FDFT1: variants seen among roughly 807,000 people sequenced by gnomAD.
FDFT1 encodes farnesyl-diphosphate farnesyltransferase 1.
FDFT1 carries 68 observed loss-of-function variants against 46.8 expected under a neutral mutation model. The observed-to-expected ratio is 1.45, with a 90% confidence interval of 1.19 to 1.78. FDFT1 has a LOEUF of 1.78. Ranked by LOEUF, FDFT1 falls within the 40% of genes most tolerant of loss-of-function variation. FDFT1 has a pLI of 0.00. For missense variants in FDFT1, 928 were observed against 524.4 expected, an observed-to-expected ratio of 1.77 and a Z score of -7.52; for synonymous variants, 351 against 185.1, an observed-to-expected ratio of 1.90 and a Z score of -7.28.
intron 3 of FDFT1, among the ~76,000 whole-genome samples, chr8:11,812,120 T>A (rs1023912502): frequency 6.6e-6 from 1 of 152,124 alleles, no homozygotes; most frequent in Non-Finnish European, 1.5e-5. Context: ...CACTTCAGAG[T>A]GCCCCATTCT....
At chr8:11,836,715 A>G (rs144544963) in intron 7 of FDFT1, among the ~76,000 whole-genome samples, 2 of 152,322 alleles carry the variant, frequency 1.3e-5, no homozygotes, top group South Asian at 2.1e-4. Context: ...TCTCATCACT[A>G]TATATTTTAC....
intron 5 of FDFT1, among the ~76,000 whole-genome samples, chr8:11,828,056 G>C (rs1810249945): frequency 6.6e-6 from 1 of 152,074 alleles, no homozygotes; most frequent in Non-Finnish European, 1.5e-5. Context: ...ACAAAAATTA[G>C]CCAAGTGTGG....
intron 2 of FDFT1, 141 bp downstream of exon 2, chr8:11,809,032 G>A: frequency 7.2e-7 from 1 of 1,380,384 alleles, no homozygotes; most frequent in Non-Finnish European, 9.7e-7. Context: ...CCGGCCCTAC[G>A]TGTTTACTTT....
At chr8:11,812,085 T>C (rs1382461360) in intron 3 of FDFT1, among the ~76,000 whole-genome samples, 2 of 152,224 alleles carry the variant, frequency 1.3e-5, no homozygotes, top group Admixed American at 6.5e-5. Flanking sequence ...AGTACTGCTC[T>C]TAGACTGGGG....
At chr8:11,836,165 A>G (rs1442038022) in intron 7 of FDFT1, among the ~76,000 whole-genome samples, 2 of 151,108 alleles carry the variant, frequency 1.3e-5, no homozygotes, top group African/African-American at 4.9e-5. Flanking sequence ...AAAAAAAAAA[A>G]AATCTACAAT....
Position 11,821,872 on chromosome 8 carries a change from G to T in FDFT1, c.504G>T (p.Trp168Cys), listed in dbSNP as rs1274548079. The change falls in exon 4 of 8, where the codon TGG becomes TGT. Residue 168 changes from tryptophan to cysteine, a missense_variant. Transcript: ENST00000220584. ...AGCATGTGACCTCTGAACAGGAGTG[G>T]GACAAGGTTAGTCTCATAAAACAGT... The part of the protein sequence containing the change: ...LDKHVTSEQE[W>C]DKYCHYVAGL... The T allele has an allele frequency of 6.2e-7, 1 of 1,612,712 alleles. No individual in the cohort carries two copies. Among genetic ancestry groups the T allele is most frequent in the East Asian group, 2.2e-5 (1 of 44,852 alleles).
At chr8:11,828,884 G>C (rs566711914) in intron 5 of FDFT1, among the ~76,000 whole-genome samples, 3 of 152,312 alleles carry the variant, frequency 2.0e-5, no homozygotes, top group Non-Finnish European at 2.9e-5. Context: ...TGTGTGGATA[G>C]ACCACATTTA....
intron 7 of FDFT1, among the ~76,000 whole-genome samples, chr8:11,834,088 C>G (rs891193188): frequency 6.6e-6 from 1 of 152,234 alleles, no homozygotes; most frequent in Non-Finnish European, 1.5e-5. Flanking sequence ...CTGACCAAGT[C>G]TGTCCTTTGT....
At chr8:11,812,206 CCTT>C (rs1807810613) in intron 3 of FDFT1, among the ~76,000 whole-genome samples, 3 of 152,204 alleles carry the variant, frequency 2.0e-5, no homozygotes, top group Admixed American at 1.3e-4. Flanking sequence ...CGTGGGCTCT[CCTT>C]CTGTACCACG....
Position 11,816,143 on chromosome 8 carries a change from G to T in FDFT1, c.382-5607G>T, listed in dbSNP as rs184114701. On this transcript the variant is annotated intron_variant, in intron 3 of 7. Transcript: ENST00000220584. ...ATAGGGAATCCTTTCTCCATTGCTT[G>T]TTTTTGTCAGGTTTGTCAAAGATCA... Among the ~76,000 whole-genome samples, 10 of 152,290 alleles carry T rather than the reference G, an allele frequency of 6.6e-5. No homozygotes were observed. The East Asian group carries it at 1.9e-3, about 29-fold the overall frequency.
Position 11,820,558 on chromosome 8 carries a change from C to G in FDFT1, c.382-1192C>G, listed in dbSNP as rs183075331. Among the ~76,000 whole-genome samples the G allele has an allele frequency of 1.8e-3, 274 of 152,322 alleles. 1 individual carries two copies. In the Middle Eastern group the frequency reaches 0.02, roughly 11 times the overall value. On this transcript the variant is annotated intron_variant, in intron 3 of 7. Coordinates refer to ENST00000220584, the MANE Select transcript of FDFT1 (RefSeq NM_004462.5). ...TACACTGTGAGCATAGAAGTGCGTACTGAAGCCTCAGCAATGGCGGGGAGG... is the reference window on the plus strand; with the variant it reads ...TACACTGTGAGCATAGAAGTGCGTAGTGAAGCCTCAGCAATGGCGGGGAGG...
chr8:11,809,843 TC>T lies in FDFT1; in HGVS notation c.377del (p.Pro126GlnfsTer17). 6.2e-7 allele frequency: 1 copy of T among 1,612,544 alleles called. No individual in the cohort carries two copies. The stretch of plus-strand genomic sequence containing the variant: ...AAGGATCGCCAGGTGCTGGAGGACT[TC>T]CCAACGGTGAGTGGGGTTACGCATC... ...KEKDRQVLED[F>X]PTISLEFRNL... is the part of the protein sequence containing the mutation. On this transcript the variant is annotated frameshift_variant, in exon 3 of 8. Transcript: ENST00000220584. LOFTEE classifies it high-confidence loss of function.
At chr8:11,817,499 CT>C (rs1323467903) in intron 3 of FDFT1, among the ~76,000 whole-genome samples, 1 of 152,148 alleles carries the variant, frequency 6.6e-6, no homozygotes, top group Admixed American at 6.5e-5. Context: ...TGTTCCTGGA[CT>C]TTCTTTGGTT....
intron 3 of FDFT1, among the ~76,000 whole-genome samples, chr8:11,811,338 T>C (rs540692831): frequency 2.0e-5 from 3 of 152,312 alleles, no homozygotes; most frequent in Admixed American, 2.0e-4. Context: ...ACAACTAATA[T>C]TATTCTAGCT....
Position 11,796,214 on chromosome 8 carries a change from T to C in FDFT1, c.-94+203T>C, listed in dbSNP as rs1805549248. Among the ~76,000 whole-genome samples the C allele has an allele frequency of 2.0e-5, 3 of 152,240 alleles. No individual in the cohort carries two copies. In the South Asian group the frequency reaches 6.2e-4, roughly 32 times the overall value. ...ACTGTAATGGGAGTATGTAAAGTGT[T>C]TCTGTTAATGGAAAAAGTGCTGTGT... On this transcript the variant is annotated intron_variant, in intron 1 of 7. Transcript: ENST00000538689.
upstream of FDFT1, chr8:11,802,218 C>T (rs530934060): frequency 1.5e-5 from 6 of 399,066 alleles, no homozygotes; most frequent in East Asian, 7.1e-5. Flanking sequence ...ACAGTAAAGA[C>T]GCCCAGCTTG....
intron 3 of FDFT1, among the ~76,000 whole-genome samples, chr8:11,817,956 GTGT>G (rs1808691739): frequency 6.6e-6 from 1 of 152,052 alleles, no homozygotes; most frequent in African/African-American, 2.4e-5. Context: ...TGATGTTAAG[GTGT>G]TGTTTTTAGA....
intron 7 of FDFT1, among the ~76,000 whole-genome samples, chr8:11,832,606 C>A (rs1440852706): frequency 1.5e-5 from 2 of 137,102 alleles, no homozygotes; most frequent in African/African-American, 5.2e-5. Flanking sequence ...TTTGTAATCT[C>A]TAATAATCTC....
At chr8:11,819,344 A>G in intron 3 of FDFT1, among the ~76,000 whole-genome samples, 1 of 152,054 alleles carries the variant, frequency 6.6e-6, no homozygotes, top group East Asian at 1.9e-4. Flanking sequence ...GCGCTTCTCG[A>G]GGAATATCTT....
Sources: allele counts gnomAD v4.1 joint callset (sites outside exome capture counted in the v4.1 genomes callset), GRCh38; gene constraint gnomAD v4.1.1; transcripts MANE v1.5; gene names NCBI Gene and HGNC (gene_info 2026-07-23, HGNC 2026-07-21).